Variants in PPIL6 observed in about 807,000 individuals in gnomAD.
The protein encoded by PPIL6 is probable inactive peptidyl-prolyl cis-trans isomerase-like 6.
A neutral mutation model predicts 36.8 loss-of-function variants in PPIL6; 39 were observed. The observed-to-expected ratio is 1.06, with a 90% confidence interval of 0.82 to 1.38. The LOEUF (loss-of-function observed/expected upper bound fraction) is 1.38, where lower values mean the gene tolerates loss of function less well. Ranked by LOEUF, PPIL6 falls within the 40% of genes most tolerant of loss-of-function variation. PPIL6 has a pLI of 0.00. For synonymous variants in PPIL6, 123 were observed against 134.1 expected (o/e 0.92, Z 0.57); for missense variants, 368 against 379.1 (o/e 0.97, Z 0.24).
At chr6:109,436,224 T>C (rs1774439677) in intron 1 of PPIL6, 25 bp from the exon 2 acceptor site, 2 of 1,305,432 alleles carry the variant, frequency 1.5e-6, no homozygotes, top group African/African-American at 1.5e-5. Flanking sequence ...AGAATAATTA[T>C]TTTAGAGTTA....
chr6:109,410,436 T>C (rs993846336), intron 6 of PPIL6, among the ~76,000 whole-genome samples: 4 of 152,146 alleles, frequency 2.6e-5, no homozygotes, highest in Non-Finnish European at 4.4e-5. Context: ...GCTGCTGGAT[T>C]GTCATGAACA....
chr6:109,435,140 G>C (rs1050396707), intron 2 of PPIL6, among the ~76,000 whole-genome samples: 1 of 152,102 alleles, frequency 6.6e-6, no homozygotes, highest in South Asian at 2.1e-4. Context: ...GGGCCAAGAG[G>C]GCCAGGCCAC....
chr6:109,438,665 C>T (rs1346101747), intron 1 of PPIL6, among the ~76,000 whole-genome samples: 4 of 151,816 alleles, frequency 2.6e-5, no homozygotes, highest in African/African-American at 7.3e-5. Flanking sequence ...CTCAGCTCAC[C>T]GAAACCTCCA....
intron 5 of PPIL6, among the ~76,000 whole-genome samples, chr6:109,423,448 T>C (rs1394112419): frequency 1.3e-5 from 2 of 152,170 alleles, no homozygotes; most frequent in African/African-American, 4.8e-5. Context: ...CTATCCATTT[T>C]AAAGTGTGTT....
upstream of PPIL6, chr6:109,441,127 G>A: frequency 6.2e-7 from 1 of 1,614,120 alleles, no homozygotes; most frequent in Non-Finnish European, 8.5e-7. Context: ...CAACCATGAA[G>A]CCCAACTTCT....
At chr6:109,402,678 C>A (rs1772608419) in intron 6 of PPIL6, among the ~76,000 whole-genome samples, 1 of 152,102 alleles carries the variant, frequency 6.6e-6, no homozygotes, top group African/African-American at 2.4e-5. Flanking sequence ...CAGGTAGTCC[C>A]TGACTTAGAA....
rs1183121056 is a variant in PPIL6 at position 109,431,176 on chromosome 6, T to C, written c.401A>G (p.Lys134Arg). The change falls in exon 3 of 8, where the codon AAG (lysine) becomes AGG (arginine). Residue 134 changes from lysine (K) to arginine (R), a missense_variant. Coordinates refer to ENST00000521072, the MANE Select transcript of PPIL6 (RefSeq NM_173672.5). ...ACTTGCCTTGGTGTCTCTTAAGAACTTAGCGGAAAAATCCTCAGTGAGTGC... is the reference window on the plus strand; with the variant it reads ...ACTTGCCTTGGTGTCTCTTAAGAACCTAGCGGAAAAATCCTCAGTGAGTGC... ...YDALTEDFSA[K>R]FLRDTKHDFV... The C allele has an allele frequency of 1.9e-6, 3 of 1,609,730 alleles. No individual in the cohort carries two copies. Among genetic ancestry groups the C allele is most frequent in the African/African-American group, 2.7e-5 (2 of 74,826 alleles).
chr6:109,433,550 G>A (rs1774279729), intron 2 of PPIL6, among the ~76,000 whole-genome samples: 1 of 152,170 alleles, frequency 6.6e-6, no homozygotes, highest in East Asian at 1.9e-4. Flanking sequence ...TGGTTTCTAG[G>A]GCCTTCAGCA....
At chr6:109,405,591 G>A (rs1408949984) in intron 6 of PPIL6, among the ~76,000 whole-genome samples, 1 of 152,154 alleles carries the variant, frequency 6.6e-6, no homozygotes, top group African/African-American at 2.4e-5. Context: ...CAACTTGATG[G>A]ATATATTAGG....
Position 109,404,408 on chromosome 6 carries a change from C to A in PPIL6, c.689-4238G>T, listed in dbSNP as rs944015010. ...TCCATCTGCAACGTGTTGCTGCAGA[C>A]CCAACTCAAAGCTTCTCTGTGCTGC... is the stretch of plus-strand genomic sequence containing the variant. On this transcript the variant is annotated intron_variant, in intron 6 of 7. Coordinates refer to ENST00000521072, the MANE Select transcript of PPIL6 (RefSeq NM_173672.5). Among the ~76,000 whole-genome samples the A allele has an allele frequency of 8.5e-5, 13 of 152,344 alleles. No individual in the cohort carries two copies. The East Asian group carries it at 1.7e-3, about 20-fold the overall frequency.
chr6:109,440,342 G>A (rs140277965), intron 1 of PPIL6, 114 bp downstream of exon 1: 22,478 of 1,306,784 alleles, frequency 0.017, 458 homozygotes, highest in East Asian at 0.062. Flanking sequence ...CCCCTTCCTC[G>A]GCCGGTGGGG....
In PPIL6 at chr6:109,437,713, C is replaced by T. The variant is rs550090506; in HGVS notation, c.136-1514G>A. Among the ~76,000 whole-genome samples, 4 of 152,166 alleles carry T rather than the reference C, an allele frequency of 2.6e-5. No homozygotes were observed. In the South Asian group the frequency reaches 8.3e-4, roughly 32 times the overall value. On this transcript the variant is annotated intron_variant, in intron 1 of 7. Transcript: ENST00000521072. ...GGGATTACAGGCACCCGCCACCACGCCCAGCTAATTTTTGCATTTTTAGCA... is the reference window on the plus strand; with the variant it reads ...GGGATTACAGGCACCCGCCACCACGTCCAGCTAATTTTTGCATTTTTAGCA...
chr6:109,402,265 G>T (rs1350695952), intron 6 of PPIL6, among the ~76,000 whole-genome samples: 1 of 151,888 alleles, frequency 6.6e-6, no homozygotes, highest in African/African-American at 2.4e-5. Flanking sequence ...GCCAGGCACA[G>T]TGCCTCATGC....
chr6:109,440,315 C>T lies in PPIL6; in HGVS notation c.135+141G>A, dbSNP rs1253101551. 7 of 1,102,796 alleles carry T rather than the reference C, an allele frequency of 6.3e-6. No individual in the cohort carries two copies. In the Admixed American group the frequency reaches 8.1e-5, roughly 13 times the overall value. The allele number at this position is 1,102,796 out of a possible 1,614,324, so 68.3% of individuals were successfully genotyped here. On this transcript the variant is annotated intron_variant, in intron 1 of 7. Coordinates refer to ENST00000521072, the MANE Select transcript of PPIL6 (RefSeq NM_173672.5). ...CCCGGTCCTCCAGACGGAGCCCGCC[C>T]GGCCAGGACACGCCAGCCCCTTCCT...
intron 6 of PPIL6, among the ~76,000 whole-genome samples, chr6:109,404,758 G>A (rs1039536649): frequency 6.6e-6 from 1 of 152,122 alleles, no homozygotes; most frequent in Non-Finnish European, 1.5e-5. Context: ...TTTGGCCATC[G>A]ATTCAATAAA....
At chr6:109,437,455 T>C (rs1774507537) in intron 1 of PPIL6, among the ~76,000 whole-genome samples, 1 of 152,138 alleles carries the variant, frequency 6.6e-6, no homozygotes, top group African/African-American at 2.4e-5. Flanking sequence ...CATTTCCTTC[T>C]GTCCCCAAGC....
intron 2 of PPIL6, among the ~76,000 whole-genome samples, chr6:109,432,682 G>T (rs1774220548): frequency 6.6e-6 from 1 of 152,052 alleles, no homozygotes; most frequent in Admixed American, 6.6e-5. Flanking sequence ...GGCTGGTCCT[G>T]AATTCCTGGG....
chr6:109,432,480 G>T (rs542697902), intron 2 of PPIL6, among the ~76,000 whole-genome samples: 1 of 152,044 alleles, frequency 6.6e-6, no homozygotes, highest in Non-Finnish European at 1.5e-5. Context: ...GAATAATTTG[G>T]AACAGCCATG....
At chr6:109,428,275 C>A (rs532757449) in intron 3 of PPIL6, among the ~76,000 whole-genome samples, 1 of 152,192 alleles carries the variant, frequency 6.6e-6, no homozygotes, top group South Asian at 2.1e-4. Context: ...CATTAAAATG[C>A]CACCCTGGTT....
Sources: allele counts gnomAD v4.1 joint callset (sites outside exome capture counted in the v4.1 genomes callset), GRCh38; gene constraint gnomAD v4.1.1; transcripts MANE v1.5; gene names NCBI Gene and HGNC (gene_info 2026-07-23, HGNC 2026-07-21).